Variants in MS4A6E observed in about 807,000 individuals in gnomAD.
MS4A6E encodes membrane-spanning 4-domains subfamily A member 6E.
MS4A6E carries 8 observed loss-of-function variants against 13.2 expected under a neutral mutation model. That is an observed-to-expected ratio of 0.60 (90% CI 0.35 to 1.09). The LOEUF (loss-of-function observed/expected upper bound fraction) is 1.09, where lower values mean the gene tolerates loss of function less well. Among genes scored for constraint, MS4A6E ranks in the 50% least tolerant of loss-of-function variants. The probability of loss-of-function intolerance (pLI) is 0.02; values close to 1 mark genes in which losing one functional copy is unlikely to be tolerated. For synonymous variants in MS4A6E, 72 were observed against 67.6 expected, an observed-to-expected ratio of 1.06 and a Z score of -0.32; for missense variants, 177 against 171.1, an observed-to-expected ratio of 1.03 and a Z score of -0.19.
At chr11:60,339,235 T>C (rs1446311750) in intron 3 of MS4A6E, among the ~76,000 whole-genome samples, 2 of 152,234 alleles carry the variant, frequency 1.3e-5, no homozygotes, top group Non-Finnish European at 2.9e-5. Context: ...AACAGTTTAC[T>C]ACCTTCACTG....
intron 1 of MS4A6E, among the ~76,000 whole-genome samples, chr11:60,331,505 G>A (rs1261549732): frequency 6.6e-6 from 1 of 151,608 alleles, no homozygotes; most frequent in Non-Finnish European, 1.5e-5. Context: ...TTTTTAGTCT[G>A]GAGCATTTGT....
At chr11:60,331,176 G>A (rs1386275687) in intron 1 of MS4A6E, among the ~76,000 whole-genome samples, 1 of 152,020 alleles carries the variant, frequency 6.6e-6, no homozygotes, top group African/African-American at 2.4e-5. Flanking sequence ...CTTAAGACAT[G>A]TCCCCTAAGA....
chr11:60,334,786 G>A, intron 1 of MS4A6E, 96 bp from the exon 2 acceptor site: 2 of 1,339,806 alleles, frequency 1.5e-6, no homozygotes, highest in Non-Finnish European at 2.1e-6. Context: ...CACAGGCCAA[G>A]TCTGGACTAA....
downstream of MS4A6E, among the ~76,000 whole-genome samples, chr11:60,344,893 T>G (rs549899744): frequency 7.5e-6 from 1 of 133,340 alleles, no homozygotes; most frequent in African/African-American, 2.8e-5. Context: ...TTCCTGGTGG[T>G]TTTTGTTTGT....
intron 3 of MS4A6E, among the ~76,000 whole-genome samples, chr11:60,339,403 C>A (rs1041912696): frequency 2.0e-5 from 3 of 152,176 alleles, no homozygotes; most frequent in African/African-American, 4.8e-5. Flanking sequence ...CCTCACAAAT[C>A]TCTGAGAAAT....
chr11:60,339,422 GTATGCATGT>G (rs1158335020), intron 3 of MS4A6E, among the ~76,000 whole-genome samples: 1 of 152,182 alleles, frequency 6.6e-6, no homozygotes, highest in Non-Finnish European at 1.5e-5. Flanking sequence ...ATAAATGTTA[GTATGCATGT>G]TTGATACATG....
chr11:60,340,510 C>T (rs949333538), intron 4 of MS4A6E, among the ~76,000 whole-genome samples: 2 of 152,166 alleles, frequency 1.3e-5, no homozygotes, highest in Non-Finnish European at 2.9e-5. Flanking sequence ...AGGGATACCA[C>T]CCCTATGGAC....
chr11:60,346,159 G>T (rs1158009285), downstream of MS4A6E, among the ~76,000 whole-genome samples: 1 of 152,180 alleles, frequency 6.6e-6, no homozygotes, highest in Non-Finnish European at 1.5e-5. Flanking sequence ...GATCTCCAGT[G>T]ATCCATGCTA....
At chr11:60,347,541 G>A (rs2085261601) in intron 4 of MS4A6E, among the ~76,000 whole-genome samples, 2 of 149,702 alleles carry the variant, frequency 1.3e-5, no homozygotes, top group Admixed American at 1.3e-4. Flanking sequence ...AGGAAATTCA[G>A]GCCAAAGACA....
chr11:60,327,270 T>G lies in MS4A6E; in HGVS notation c.-153T>G, dbSNP rs2085125624. Among the ~76,000 whole-genome samples the G allele has an allele frequency of 6.6e-6, 1 of 152,198 alleles. No homozygotes were observed. The highest frequency in any genetic ancestry group is 1.5e-5 in the Non-Finnish European group (1 of 68,028). On this transcript the variant is annotated 5_prime_UTR_variant, in exon 1 of 5. It adds an upstream start codon to the 5' untranslated region. Transcript: ENST00000684409. Reference sequence around the variant, plus strand: ...CATTTGGACTATTTCACCCTTCCATTCATTCCACCATGTGAGGACACAGTT... The same window carrying G: ...CATTTGGACTATTTCACCCTTCCATGCATTCCACCATGTGAGGACACAGTT...
chr11:60,346,145 G>A (rs1400912159), downstream of MS4A6E, among the ~76,000 whole-genome samples: 1 of 152,200 alleles, frequency 6.6e-6, no homozygotes, highest in Non-Finnish European at 1.5e-5. Flanking sequence ...TCTGGGAGCA[G>A]TCTGATCTCC....
chr11:60,334,734 G>A, intron 1 of MS4A6E, 148 bp from the exon 2 acceptor site: 1 of 802,172 alleles, frequency 1.2e-6, no homozygotes, highest in South Asian at 1.8e-5. Flanking sequence ...CCAAGGTTGT[G>A]TGGCTTTCAC....
At chr11:60,337,662 T>G (rs1010013881) in intron 2 of MS4A6E, 79 bp from the exon 3 acceptor site, 16 of 1,547,624 alleles carry the variant, frequency 1.0e-5, no homozygotes, top group African/African-American at 1.4e-5. Context: ...AGGGAATAAC[T>G]TGCAATGTAA....
At chr11:60,329,455 G>A (rs1044216753) in intron 1 of MS4A6E, among the ~76,000 whole-genome samples, 1 of 152,122 alleles carries the variant, frequency 6.6e-6, no homozygotes, top group African/African-American at 2.4e-5. Flanking sequence ...ATAAACATAC[G>A]TGTGTATGTG....
chr11:60,346,360 C>T (rs993395473), intron 4 of MS4A6E, among the ~76,000 whole-genome samples: 5 of 152,198 alleles, frequency 3.3e-5, no homozygotes, highest in African/African-American at 1.2e-4. Flanking sequence ...CCTCCTGTCC[C>T]TATTTAAAAG....
chr11:60,329,867 C>A (rs1283322263), intron 1 of MS4A6E, among the ~76,000 whole-genome samples: 2 of 148,764 alleles, frequency 1.3e-5, no homozygotes, highest in African/African-American at 5.0e-5. Context: ...GTTCAGTCAC[C>A]CAGGCTGGAC....
intron 1 of MS4A6E, among the ~76,000 whole-genome samples, chr11:60,333,219 T>C (rs2085168053): frequency 1.3e-5 from 2 of 149,782 alleles, no homozygotes; most frequent in Admixed American, 1.3e-4. Flanking sequence ...ACAAGAAAGA[T>C]TAAAAGTCTT....
At chr11:60,329,616 A>G (rs1379494944) in intron 1 of MS4A6E, among the ~76,000 whole-genome samples, 3 of 152,170 alleles carry the variant, frequency 2.0e-5, no homozygotes, top group East Asian at 1.9e-4. Context: ...CCAACAGTGT[A>G]AAACAATTCC....
chr11:60,334,314 G>A (rs934070746), intron 1 of MS4A6E, among the ~76,000 whole-genome samples: 4 of 152,144 alleles, frequency 2.6e-5, no homozygotes, highest in African/African-American at 9.7e-5. Context: ...TAAAAAGCTT[G>A]AAGGGCCCCT....
Sources: allele counts gnomAD v4.1 joint callset (sites outside exome capture counted in the v4.1 genomes callset), GRCh38; gene constraint gnomAD v4.1.1; transcripts MANE v1.5; gene names NCBI Gene and HGNC (gene_info 2026-07-23, HGNC 2026-07-21).